The following CCDC91 variants were observed in gnomAD, a reference collection of about 807,000 sequenced individuals.
The protein encoded by CCDC91 is coiled-coil domain containing 91, also known as coiled-coil domain-containing protein 91.
CCDC91 carries 48 observed loss-of-function variants against 63.2 expected under a neutral mutation model. That is an observed-to-expected ratio of 0.76 (90% CI 0.60 to 0.97). The LOEUF (loss-of-function observed/expected upper bound fraction) is 0.97, where lower values mean the gene tolerates loss of function less well. Ranked by LOEUF, CCDC91 falls within the 50% of genes least tolerant of loss-of-function variation. CCDC91 has a pLI of 0.00. For synonymous variants in CCDC91, 167 were observed against 165.8 expected, an observed-to-expected ratio of 1.01 and a Z score of -0.06; for missense variants, 500 against 494.6, an observed-to-expected ratio of 1.01 and a Z score of -0.10.
intron 3 of CCDC91, among the ~76,000 whole-genome samples, chr12:28,262,632 G>A (rs1418354299): frequency 6.6e-6 from 1 of 151,944 alleles, no homozygotes; most frequent in East Asian, 1.9e-4. Flanking sequence ...CTAGCTTATA[G>A]GCAATGTTGA....
At chr12:28,299,655 A>G (rs1225545173) in intron 3 of CCDC91, among the ~76,000 whole-genome samples, 1 of 151,542 alleles carries the variant, frequency 6.6e-6, no homozygotes, top group Non-Finnish European at 1.5e-5. Flanking sequence ...TTTCGACCTC[A>G]TTCCTGCCGA....
intron 8 of CCDC91, among the ~76,000 whole-genome samples, chr12:28,428,573 C>CAAAA (rs1438921507): frequency 0.027 from 1,721 of 64,852 alleles, 101 homozygotes; most frequent in African/African-American, 0.094. Context: ...CCGTCTCTCC[C>CAAAA]CAAAAAAAAA....
intron 6 of CCDC91, among the ~76,000 whole-genome samples, chr12:28,309,278 A>G (rs2137141444): frequency 1.3e-5 from 2 of 152,146 alleles, no homozygotes; most frequent in African/African-American, 4.8e-5. Context: ...CTCACTGTTT[A>G]TTCTTGAATA....
At chr12:28,304,412 A>G (rs866566789) in intron 3 of CCDC91, among the ~76,000 whole-genome samples, 46 of 140,636 alleles carry the variant, frequency 3.3e-4, no homozygotes, top group South Asian at 3.0e-3. Flanking sequence ...GAAAAAAAAA[A>G]AAAGAAAAAA....
intron 8 of CCDC91, among the ~76,000 whole-genome samples, chr12:28,430,477 A>G (rs1456090394): frequency 6.6e-6 from 1 of 152,116 alleles, no homozygotes; most frequent in Non-Finnish European, 1.5e-5. Flanking sequence ...CATTATTGGA[A>G]AAAGTAGACA....
chr12:28,394,192 T>C (rs144619013), intron 8 of CCDC91, among the ~76,000 whole-genome samples: 3,158 of 152,212 alleles, frequency 0.021, 44 homozygotes, highest in Non-Finnish European at 0.032. Flanking sequence ...GATTAGTCGT[T>C]GCAGTGGCTC....
intron 6 of CCDC91, among the ~76,000 whole-genome samples, chr12:28,343,028 A>G (rs951304182): frequency 2.0e-5 from 3 of 152,072 alleles, no homozygotes; most frequent in Non-Finnish European, 4.4e-5. Flanking sequence ...GGCATTGAAG[A>G]GTAGAAAATG....
intron 1 of CCDC91, among the ~76,000 whole-genome samples, chr12:28,222,295 C>CGGTGGT: frequency 6.6e-6 from 1 of 151,866 alleles, no homozygotes; most frequent in East Asian, 1.9e-4. Flanking sequence ...ACAGGGGTGG[C>CGGTGGT]GGTGGTGGTG....
intron 6 of CCDC91, among the ~76,000 whole-genome samples, chr12:28,362,203 A>G (rs1943934605): frequency 6.6e-6 from 1 of 151,226 alleles, no homozygotes; most frequent in Non-Finnish European, 1.5e-5. Flanking sequence ...TCACCTCTCA[A>G]CATGGTTTTC....
At position 28,210,898 on chromosome 12, in the gene CCDC91, T is replaced by G. The variant is rs552849631; in HGVS notation, c.-15+20257T>G. 1.3e-4 allele frequency among the ~76,000 whole-genome samples: 20 copies of G among 151,976 alleles called. 1 individual carries two copies. In the South Asian group the frequency reaches 3.7e-3, roughly 28 times the overall value. ...TGCCAAATAGTTACAAAGTCAAGCT[T>G]CCAGGGACATACAAAACAAGACGGA... On this transcript the variant is annotated intron_variant, in intron 1 of 12. Transcript: ENST00000536442.
chr12:28,504,830 G>A (rs1309552961), intron 12 of CCDC91, among the ~76,000 whole-genome samples: 2 of 151,960 alleles, frequency 1.3e-5, no homozygotes, highest in East Asian at 1.9e-4. Context: ...ACTGACTTAA[G>A]TGAAGTTTAG....
chr12:28,352,582 C>T (rs1351087004), intron 6 of CCDC91, among the ~76,000 whole-genome samples: 1 of 152,120 alleles, frequency 6.6e-6, no homozygotes, highest in Non-Finnish European at 1.5e-5. Context: ...CTTATCTGTT[C>T]GAGTGTTATG....
intron 3 of CCDC91, among the ~76,000 whole-genome samples, chr12:28,263,101 T>G (rs112282633): frequency 2.6e-5 from 4 of 152,022 alleles, no homozygotes; most frequent in African/African-American, 9.7e-5. Context: ...TTGAGTCTTA[T>G]TTTTCTTTCA....
At chr12:28,366,773 C>T (rs929520534) in intron 7 of CCDC91, among the ~76,000 whole-genome samples, 1 of 152,072 alleles carries the variant, frequency 6.6e-6, no homozygotes, top group Non-Finnish European at 1.5e-5. Context: ...GAGGCCACTC[C>T]TCTGTGGTTT....
At chr12:28,231,991 T>G (rs1031244375) in intron 1 of CCDC91, among the ~76,000 whole-genome samples, 16 of 152,154 alleles carry the variant, frequency 1.1e-4, no homozygotes, top group Admixed American at 1.0e-3. Flanking sequence ...AATTTTAGAC[T>G]TTCAAAGTAG....
At chr12:28,229,186 T>C (rs570707364) in intron 1 of CCDC91, among the ~76,000 whole-genome samples, 39 of 151,754 alleles carry the variant, frequency 2.6e-4, no homozygotes, top group African/African-American at 9.4e-4. Context: ...TTTTCATTGC[T>C]GCTGCTGCTT....
chr12:28,521,557 C>A (rs182192106), intron 12 of CCDC91, among the ~76,000 whole-genome samples: 36 of 152,170 alleles, frequency 2.4e-4, no homozygotes, highest in East Asian at 2.3e-3. Flanking sequence ...AACTGAATAC[C>A]CTTTATTTCT....
chr12:28,469,234 A>G (rs896094552), intron 11 of CCDC91, among the ~76,000 whole-genome samples: 14 of 152,234 alleles, frequency 9.2e-5, no homozygotes, highest in Admixed American at 1.3e-4. Context: ...TCAAAATTCA[A>G]TAAAGTTGCA....
intron 12 of CCDC91, among the ~76,000 whole-genome samples, chr12:28,486,125 G>A (rs780228366): frequency 7.2e-5 from 11 of 152,088 alleles, no homozygotes; most frequent in Non-Finnish European, 1.2e-4. Context: ...GCCATTGTTT[G>A]GGTATTTCCT....
Sources: gnomAD v4.1 joint callset for allele counts (sites outside exome capture counted in the v4.1 genomes callset) on GRCh38, gnomAD v4.1.1 for gene constraint, MANE v1.5 for transcripts, NCBI Gene and HGNC (gene_info 2026-07-23, HGNC 2026-07-21) for gene names.